GRM7: variants seen among roughly 807,000 people sequenced by gnomAD.
The protein encoded by GRM7 is metabotropic glutamate receptor 7.
Under a neutral mutation model 84.5 loss-of-function variants are expected in GRM7, and 35 were observed. The ratio of observed to expected loss-of-function variants is 0.41; its 90% CI spans 0.32 to 0.55. The LOEUF is 0.55. Among genes scored for constraint, GRM7 ranks in the 20% least tolerant of loss-of-function variants. The probability of loss-of-function intolerance (pLI) is 0.19; values close to 1 mark genes in which losing one functional copy is unlikely to be tolerated. For synonymous variants in GRM7, 487 were observed against 455.1 expected, an observed-to-expected ratio of 1.07 and a Z score of -0.89; for missense variants, 1,003 against 1,194.6, an observed-to-expected ratio of 0.84 and a Z score of 2.36.
intron 9 of GRM7, among the ~76,000 whole-genome samples, chr3:7,688,277 G>GTCTT (rs1700663352): frequency 6.6e-6 from 1 of 151,750 alleles, no homozygotes; most frequent in Non-Finnish European, 1.5e-5. Context: ...AGCTAGAATT[G>GTCTT]TCTTACTTCA....
intron 2 of GRM7, among the ~76,000 whole-genome samples, chr3:7,242,231 G>T (rs781720915): frequency 1.3e-5 from 2 of 152,176 alleles, no homozygotes; most frequent in South Asian, 2.1e-4. Flanking sequence ...AGTACATGCT[G>T]TTTACTTCCC....
intron 5 of GRM7, among the ~76,000 whole-genome samples, chr3:7,418,782 ATAC>A (rs1696277844): frequency 6.6e-6 from 1 of 152,326 alleles, no homozygotes; most frequent in South Asian, 2.1e-4. Flanking sequence ...CAGGAACATT[ATAC>A]CACAGTGGTT....
At chr3:6,963,571 G>A (rs917696124) in intron 1 of GRM7, among the ~76,000 whole-genome samples, 6 of 147,154 alleles carry the variant, frequency 4.1e-5, no homozygotes, top group South Asian at 2.1e-4. Context: ...GTTACAGTGA[G>A]CCCTCCAGCC....
At position 7,271,562 on chromosome 3, in the gene GRM7, TAAAA is replaced by T. The variant is rs71063298; in HGVS notation, c.737-27102_737-27099del. 8.3e-4 allele frequency among the ~76,000 whole-genome samples: 74 copies of T among 88,786 alleles called. 2 individuals carry two copies. The South Asian group carries it at 0.029, about 35-fold the overall frequency. The allele number at this position is 88,786 out of a possible 152,430, so 58.2% of individuals were successfully genotyped here. A position where few individuals can be genotyped will look rare whatever the true frequency, so the allele number is the denominator to read the frequency against. On this transcript the variant is annotated intron_variant, in intron 2 of 9. Transcript: ENST00000357716. ...CGACAGAGTGAGAGACCGCCTCAAATAAAAAAAAAAAAAAAAAAAAAAAGAAATG... is the reference window on the plus strand; with the variant it reads ...CGACAGAGTGAGAGACCGCCTCAAATAAAAAAAAAAAAAAAAAAAGAAATG...
At chr3:7,527,661 T>C (rs1477715697) in intron 7 of GRM7, among the ~76,000 whole-genome samples, 1 of 152,078 alleles carries the variant, frequency 6.6e-6, no homozygotes, top group African/African-American at 2.4e-5. Context: ...ATATTGGCTA[T>C]GGGTTTGTCA....
intron 1 of GRM7, among the ~76,000 whole-genome samples, chr3:7,095,976 A>C (rs1698846195): frequency 6.6e-6 from 1 of 152,156 alleles, no homozygotes. Context: ...GTATAGATAC[A>C]CATATTCACA....
At chr3:7,354,601 A>G (rs1693308659) in intron 4 of GRM7, among the ~76,000 whole-genome samples, 1 of 152,152 alleles carries the variant, frequency 6.6e-6, no homozygotes, top group Non-Finnish European at 1.5e-5. Context: ...ACCATCAAGG[A>G]CTTGACAGAT....
At position 6,998,440 on chromosome 3, in the gene GRM7, C is replaced by G. The variant is rs138351864; in HGVS notation, c.519+136533C>G. Among the ~76,000 whole-genome samples the G allele has an allele frequency of 9.8e-3, 1,486 of 152,236 alleles. 27 individuals are homozygous for G. The highest frequency in any genetic ancestry group is 0.032 in the African/African-American group (1,345 of 41,538). On this transcript the variant is annotated intron_variant, in intron 1 of 9. Coordinates refer to ENST00000357716, the MANE Select transcript of GRM7 (RefSeq NM_000844.4). ...AGTGTCTGTGACTTTTCCAGGCACA[C>G]AGTGCAAGCTGTCAGTGGATCTACC...
At chr3:7,081,062 C>T (rs978892297) in intron 1 of GRM7, among the ~76,000 whole-genome samples, 21 of 152,008 alleles carry the variant, frequency 1.4e-4, no homozygotes, top group African/African-American at 5.1e-4. Flanking sequence ...CTTCTCCCCC[C>T]TTGTTGTCTC....
chr3:7,042,855 A>G (rs1252716505), intron 1 of GRM7, among the ~76,000 whole-genome samples: 1 of 152,138 alleles, frequency 6.6e-6, no homozygotes, highest in African/African-American at 2.4e-5. Flanking sequence ...ATTGTTGAGC[A>G]TTATGAATTT....
At chr3:7,623,883 T>C (rs897368902) in intron 8 of GRM7, among the ~76,000 whole-genome samples, 12 of 152,156 alleles carry the variant, frequency 7.9e-5, no homozygotes, top group Non-Finnish European at 4.4e-5. Context: ...GGAAACCTCA[T>C]GACCTAGAAG....
intron 7 of GRM7, among the ~76,000 whole-genome samples, chr3:7,572,821 C>CAAAAAAAAAAAAA (rs1437470999): frequency 9.5e-5 from 2 of 20,992 alleles, no homozygotes; most frequent in African/African-American, 3.7e-4. Flanking sequence ...GACTCTATCT[C>CAAAAAAAAAAAAA]AAATATATAT....
chr3:7,325,341 G>C (rs1264574755), intron 4 of GRM7, among the ~76,000 whole-genome samples: 4 of 152,188 alleles, frequency 2.6e-5, no homozygotes, highest in African/African-American at 9.7e-5. Flanking sequence ...AGATTCTCTA[G>C]AGCAAAGCTT....
chr3:7,099,716 G>A lies in GRM7; in HGVS notation c.520-46736G>A, dbSNP rs184204389. ...GTATATGTACACGCATTATACATGT[G>A]CACATACATGTATATGTACACGCAT... On this transcript the variant is annotated intron_variant, in intron 1 of 9. Transcript: ENST00000357716. 1.8e-3 allele frequency among the ~76,000 whole-genome samples: 119 copies of A among 66,082 alleles called. 48 individuals are homozygous for A. The African/African-American group carries it at 0.021, about 12-fold the overall frequency. 43.4% of individuals were successfully genotyped at this position (66,082 alleles called of 152,430 possible).
At chr3:7,569,052 C>T (rs1024648445) in intron 7 of GRM7, among the ~76,000 whole-genome samples, 1 of 152,210 alleles carries the variant, frequency 6.6e-6, no homozygotes, top group Admixed American at 6.5e-5. Context: ...GCCAGCTGGG[C>T]TCCTGACCCT....
intron 1 of GRM7, among the ~76,000 whole-genome samples, chr3:7,106,198 G>A (rs73115090): frequency 0.027 from 4,164 of 151,570 alleles, 189 homozygotes; most frequent in African/African-American, 0.096. Context: ...CTTTAAAACA[G>A]AAATTTCTGA....
At chr3:7,605,504 G>GA (rs1202586153) in intron 8 of GRM7, among the ~76,000 whole-genome samples, 3 of 152,168 alleles carry the variant, frequency 2.0e-5, no homozygotes, top group African/African-American at 7.2e-5. Flanking sequence ...TTTCACAGCA[G>GA]AAAAAAATCT....
At chr3:7,182,840 ATCTTGAAGATTT>A (rs1464814011) in intron 2 of GRM7, among the ~76,000 whole-genome samples, 1 of 148,526 alleles carries the variant, frequency 6.7e-6, no homozygotes, top group Non-Finnish European at 1.5e-5. Flanking sequence ...ATACAATTTT[ATCTTGAAGATTT>A]TCTTGTGACC....
intron 1 of GRM7, among the ~76,000 whole-genome samples, chr3:6,923,368 G>A (rs1223142953): frequency 2.0e-5 from 3 of 152,024 alleles, no homozygotes; most frequent in Non-Finnish European, 4.4e-5. Context: ...GTAACATGAA[G>A]AAGTGGCCAT....
Sources: allele counts gnomAD v4.1 joint callset (sites outside exome capture counted in the v4.1 genomes callset), GRCh38; gene constraint gnomAD v4.1.1; transcripts MANE v1.5; gene names NCBI Gene and HGNC (gene_info 2026-07-23, HGNC 2026-07-21).